Variants in NFKB1 observed in about 807,000 individuals in gnomAD.
NFKB1 encodes the protein nuclear factor NF-kappa-B p105 subunit.
Under a neutral mutation model 105.1 loss-of-function variants are expected in NFKB1, and 9 were observed. The observed-to-expected ratio is 0.09, with a 90% CI of 0.05 to 0.15. The LOEUF (loss-of-function observed/expected upper bound fraction) is 0.15. NFKB1 is among the 10% of genes least tolerant of loss of function. The probability of loss-of-function intolerance (pLI) is 1.00; values close to 1 mark genes in which losing one functional copy is unlikely to be tolerated. For synonymous variants in NFKB1, 440 were observed against 442.2 expected (o/e 1.00, Z 0.06); for missense variants, 830 against 1,203.7 (o/e 0.69, Z 4.59).
At chr4:102,597,762 A>C (rs1726757528) in intron 15 of NFKB1, 101 bp downstream of exon 15, 1 of 1,342,034 alleles carries the variant, frequency 7.5e-7, no homozygotes, top group Admixed American at 2.4e-5. Context: ...GTTCAAATAT[A>C]TTGAGTCCTC....
At chr4:102,566,071 G>A (rs1439015324) in intron 5 of NFKB1, among the ~76,000 whole-genome samples, 1 of 152,156 alleles carries the variant, frequency 6.6e-6, no homozygotes. Context: ...TTTCTGTTAT[G>A]TTAGTGTGAC....
At chr4:102,516,595 G>C (rs893074350) in intron 1 of NFKB1, among the ~76,000 whole-genome samples, 2 of 151,444 alleles carry the variant, frequency 1.3e-5, no homozygotes, top group Non-Finnish European at 2.9e-5. Context: ...TTAAAAGAAA[G>C]GTATGCATTT....
intron 6 of NFKB1, among the ~76,000 whole-genome samples, chr4:102,570,768 A>C (rs1442541287): frequency 6.6e-6 from 1 of 152,212 alleles, no homozygotes; most frequent in Non-Finnish European, 1.5e-5. Context: ...TAGGAATCCA[A>C]CTTACAGGGG....
intron 5 of NFKB1, among the ~76,000 whole-genome samples, chr4:102,553,172 T>C (rs972464955): frequency 8.5e-5 from 13 of 152,176 alleles, no homozygotes; most frequent in Non-Finnish European, 2.9e-5. Context: ...ACAGGGCAGC[T>C]GTATTTACTG....
At chr4:102,546,161 T>A (rs2149137254) in intron 5 of NFKB1, among the ~76,000 whole-genome samples, 1 of 152,322 alleles carries the variant, frequency 6.6e-6, no homozygotes, top group African/African-American at 2.4e-5. Context: ...TTACAAATAT[T>A]AGCTTCTTTT....
At chr4:102,592,744 A>T (rs9996972) in intron 11 of NFKB1, among the ~76,000 whole-genome samples, 8,624 of 152,152 alleles carry the variant, frequency 0.057, 275 homozygotes, top group African/African-American at 0.089. Context: ...CTTCAGCCAA[A>T]CTTATCTACT....
At chr4:102,555,225 C>G (rs1200646918) in intron 5 of NFKB1, among the ~76,000 whole-genome samples, 1 of 152,180 alleles carries the variant, frequency 6.6e-6, no homozygotes, top group East Asian at 1.9e-4. Context: ...CTGTTGGGCC[C>G]CACTGTCCTC....
At chr4:102,551,702 G>A (rs1722629037) in intron 5 of NFKB1, among the ~76,000 whole-genome samples, 1 of 152,136 alleles carries the variant, frequency 6.6e-6, no homozygotes, top group African/African-American at 2.4e-5. Flanking sequence ...GATATTTCTA[G>A]TGATAGGTTC....
chr4:102,598,571 T>A (rs1404812513), intron 15 of NFKB1, among the ~76,000 whole-genome samples: 1 of 152,212 alleles, frequency 6.6e-6, no homozygotes, highest in Non-Finnish European at 1.5e-5. Context: ...GGATGTGGTA[T>A]AACCACTGGC....
chr4:102,565,687 C>CTCCCTCCG (rs1723808078), intron 5 of NFKB1, among the ~76,000 whole-genome samples: 1 of 152,064 alleles, frequency 6.6e-6, no homozygotes, highest in African/African-American at 2.4e-5. Context: ...CTCTCCCTCC[C>CTCCCTCCG]TCCCTCCGTC....
At chr4:102,504,626 T>C (rs983611501) in intron 1 of NFKB1, among the ~76,000 whole-genome samples, 10 of 152,200 alleles carry the variant, frequency 6.6e-5, no homozygotes, top group Non-Finnish European at 1.3e-4. Flanking sequence ...CAGTAGACCA[T>C]ACTGGAGCAA....
chr4:102,504,843 A>G (rs565620703), intron 1 of NFKB1, among the ~76,000 whole-genome samples: 10 of 152,322 alleles, frequency 6.6e-5, no homozygotes, highest in Non-Finnish European at 1.3e-4. Flanking sequence ...ACGTTTTGGC[A>G]TAGTCCTGCA....
chr4:102,516,070 C>T (rs1185491435), intron 1 of NFKB1, among the ~76,000 whole-genome samples: 1 of 152,004 alleles, frequency 6.6e-6, no homozygotes, highest in East Asian at 1.9e-4. Context: ...ACATTGCCTT[C>T]TAGCTTGTAC....
At chr4:102,613,046 A>T (rs1728572662) in intron 22 of NFKB1, among the ~76,000 whole-genome samples, 1 of 151,908 alleles carries the variant, frequency 6.6e-6, no homozygotes, top group South Asian at 2.1e-4. Context: ...GTAGAAAAGC[A>T]TGGGGTGAAG....
chr4:102,575,824 G>GTATAATTTACTTCTTTGTC (rs368067246), intron 6 of NFKB1, among the ~76,000 whole-genome samples: 11 of 152,026 alleles, frequency 7.2e-5, no homozygotes, highest in African/African-American at 2.7e-4. Context: ...AAATTGTATC[G>GTATAATTTACTTCTTTGTC]TATAATTTAC....
At chr4:102,600,830 T>C in intron 15 of NFKB1, 65 bp from the exon 16 acceptor site, 3 of 953,810 alleles carry the variant, frequency 3.1e-6, no homozygotes, top group Non-Finnish European at 5.1e-6. Context: ...TCTAATCACA[T>C]CTTGGGAATC....
At chr4:102,588,041 A>G (rs1354754818) in intron 11 of NFKB1, among the ~76,000 whole-genome samples, 1 of 152,134 alleles carries the variant, frequency 6.6e-6, no homozygotes, top group Non-Finnish European at 1.5e-5. Context: ...ATTTTTATCA[A>G]TATGTAAACC....
rs1739438092 is a variant in NFKB1, at chr4:102,506,703, GC to G, written c.-8+4920del. Among the ~76,000 whole-genome samples the G allele has an allele frequency of 3.9e-5, 6 of 152,154 alleles. No individual in the cohort carries two copies. The Middle Eastern group carries it at 0.014, about 345-fold the overall frequency. On this transcript the variant is annotated intron_variant, in intron 1 of 23. Transcript: ENST00000226574. ...ATACTCCCTGTCCTAGTGTCATTGTGCCCCCTGGGAACCCTAATGCAGTCCT... is the reference window on the plus strand; with the variant it reads ...ATACTCCCTGTCCTAGTGTCATTGTGCCCCTGGGAACCCTAATGCAGTCCT...
chr4:102,556,179 A>G (rs1722976067), intron 5 of NFKB1, among the ~76,000 whole-genome samples: 1 of 152,132 alleles, frequency 6.6e-6, no homozygotes, highest in African/African-American at 2.4e-5. Context: ...CATTTCCAGG[A>G]GGTGGAGTAG....
Sources: gnomAD v4.1 joint callset for allele counts (sites outside exome capture counted in the v4.1 genomes callset) on GRCh38, gnomAD v4.1.1 for gene constraint, MANE v1.5 for transcripts, NCBI Gene and HGNC (gene_info 2026-07-23, HGNC 2026-07-21) for gene names.